The following STK33 variants were observed in gnomAD, a reference collection of about 807,000 sequenced individuals.
The protein encoded by STK33 is serine/threonine-protein kinase 33.
In STK33, 52 loss-of-function variants were observed where a neutral mutation model predicts 58.0. That is an observed-to-expected ratio of 0.90 (90% confidence interval 0.72 to 1.13). The LOEUF is 1.13. Among genes scored for constraint, STK33 ranks in the 50% most tolerant of loss-of-function variants. STK33 has a pLI of 0.00. For synonymous variants in STK33, 215 were observed against 200.1 expected (o/e 1.07, Z -0.63); for missense variants, 630 against 604.2 (o/e 1.04, Z -0.45).
At chr11:8,571,500 T>A (rs893749209) in intron 1 of STK33, among the ~76,000 whole-genome samples, 17 of 152,152 alleles carry the variant, frequency 1.1e-4, no homozygotes, top group Admixed American at 2.0e-4. Flanking sequence ...TATAACAAAT[T>A]GTGAATGTAA....
chr11:8,385,026 G>A, the STK33 span, among the ~76,000 whole-genome samples: 1,161 of 152,252 alleles, frequency 7.6e-3, 12 homozygotes, highest in Middle Eastern at 0.01. Context: ...CCTTCCCCAG[G>A]AAGCGACACC....
chr11:8,384,936 A>G, the STK33 span, among the ~76,000 whole-genome samples: 1 of 152,156 alleles, frequency 6.6e-6, no homozygotes. Flanking sequence ...TCGTCTCCAC[A>G]CATGAAGAGA....
chr11:8,493,169 T>G (rs1462175547), intron 1 of STK33, among the ~76,000 whole-genome samples: 1 of 151,936 alleles, frequency 6.6e-6, no homozygotes, highest in Non-Finnish European at 1.5e-5. Context: ...GCTGGTTTTT[T>G]GAAAAGATCA....
intron 14 of STK33, among the ~76,000 whole-genome samples, chr11:8,425,287 G>A (rs746223889): frequency 1.4e-4 from 22 of 152,302 alleles, no homozygotes; most frequent in Non-Finnish European, 2.8e-4. Flanking sequence ...TCAAAGATCA[G>A]ATAGTTGTAG....
the STK33 span, among the ~76,000 whole-genome samples, chr11:8,382,916 G>A: frequency 1.3e-5 from 2 of 152,110 alleles, no homozygotes; most frequent in African/African-American, 4.8e-5. Context: ...GCTCCCCACA[G>A]GCAACACACT....
chr11:8,429,256 T>C (rs1943128466), intron 14 of STK33, among the ~76,000 whole-genome samples: 1 of 152,202 alleles, frequency 6.6e-6, no homozygotes. Flanking sequence ...ATTAATTACA[T>C]TTATGGTGAA....
At chr11:8,489,608 A>G (rs1950454151) in intron 1 of STK33, among the ~76,000 whole-genome samples, 1 of 152,160 alleles carries the variant, frequency 6.6e-6, no homozygotes, top group African/African-American at 2.4e-5. Flanking sequence ...TAATAACTAA[A>G]CCATGATAAT....
intron 1 of STK33, among the ~76,000 whole-genome samples, chr11:8,488,577 G>A (rs1262134157): frequency 6.6e-6 from 1 of 151,860 alleles, no homozygotes; most frequent in Non-Finnish European, 1.5e-5. Context: ...TTGCTTCTAG[G>A]CATTGGAGGA....
chr11:8,421,940 T>A (rs1448262047), intron 14 of STK33, among the ~76,000 whole-genome samples: 1 of 152,130 alleles, frequency 6.6e-6, no homozygotes, highest in African/African-American at 2.4e-5. Context: ...CTTTCTCAGC[T>A]CTCCTATTTC....
the STK33 span, among the ~76,000 whole-genome samples, chr11:8,336,791 C>T: frequency 6.6e-6 from 1 of 152,264 alleles, no homozygotes; most frequent in African/African-American, 2.4e-5. Flanking sequence ...AGCCAGTCTG[C>T]CTCCTGGGCT....
intron 11 of STK33, among the ~76,000 whole-genome samples, chr11:8,450,979 A>G (rs1355893893): frequency 1.3e-5 from 2 of 152,224 alleles, no homozygotes; most frequent in Non-Finnish European, 2.9e-5. Flanking sequence ...GAAAATGCAA[A>G]TTAAAAATCA....
the STK33 span, among the ~76,000 whole-genome samples, chr11:8,356,015 A>G: frequency 6.6e-6 from 1 of 152,310 alleles, no homozygotes; most frequent in South Asian, 2.1e-4. Context: ...AGGGAGTAAA[A>G]GCTGACGGGA....
intron 1 of STK33, among the ~76,000 whole-genome samples, chr11:8,530,120 G>C (rs1227140375): frequency 6.6e-6 from 1 of 152,160 alleles, no homozygotes; most frequent in African/African-American, 2.4e-5. Flanking sequence ...AGAATGTGGA[G>C]AGCATCACAC....
At chr11:8,431,253 C>A (rs1943392070) in intron 14 of STK33, among the ~76,000 whole-genome samples, 1 of 151,966 alleles carries the variant, frequency 6.6e-6, no homozygotes, top group Admixed American at 6.6e-5. Flanking sequence ...TGAATAACTA[C>A]ATATAGTAAA....
At chr11:8,439,656 G>C (rs1944470929) in intron 12 of STK33, among the ~76,000 whole-genome samples, 1 of 151,288 alleles carries the variant, frequency 6.6e-6, no homozygotes, top group Admixed American at 6.6e-5. Context: ...CACAGGGTGT[G>C]TCCGAGTATT....
intron 1 of STK33, among the ~76,000 whole-genome samples, chr11:8,534,568 C>CTCTCTCTCTGTG (rs1402710450): frequency 1.9e-5 from 2 of 104,694 alleles, no homozygotes; most frequent in Non-Finnish European, 3.7e-5. Context: ...CTCTCTCTCT[C>CTCTCTCTCTGTG]TGTGTGTGTG....
chr11:8,547,515 T>G (rs963703788), intron 1 of STK33, among the ~76,000 whole-genome samples: 1 of 152,180 alleles, frequency 6.6e-6, no homozygotes, highest in Non-Finnish European at 1.5e-5. Context: ...CACCTAGCCC[T>G]GTATGTCTTC....
intron 14 of STK33, among the ~76,000 whole-genome samples, chr11:8,420,138 A>G (rs1941703772): frequency 6.6e-6 from 1 of 152,112 alleles, no homozygotes; most frequent in Non-Finnish European, 1.5e-5. Flanking sequence ...TTACATGACT[A>G]ATAATCAATG....
At chr11:8,340,044 G>C in the STK33 span, among the ~76,000 whole-genome samples, 1 of 152,246 alleles carries the variant, frequency 6.6e-6, no homozygotes, top group Non-Finnish European at 1.5e-5. Flanking sequence ...GAGGGCCTTG[G>C]GGAACCTGCT....
Sources: gnomAD v4.1 joint callset for allele counts (sites outside exome capture counted in the v4.1 genomes callset) on GRCh38, gnomAD v4.1.1 for gene constraint, MANE v1.5 for transcripts, NCBI Gene and HGNC (gene_info 2026-07-23, HGNC 2026-07-21) for gene names.